The following PCDHGB1 variants were observed in gnomAD, a reference collection of about 807,000 sequenced individuals.
PCDHGB1 encodes protocadherin gamma subfamily B, 1.
A neutral mutation model predicts 56.6 loss-of-function variants in PCDHGB1; 34 were observed. The ratio of observed to expected loss-of-function variants is 0.60; its 90% confidence interval spans 0.46 to 0.80. The LOEUF is 0.80. Among genes scored for constraint, PCDHGB1 ranks in the 30% least tolerant of loss-of-function variants. The pLI, the probability that PCDHGB1 is intolerant of heterozygous loss-of-function variation, is 0.00. For missense variants in PCDHGB1, 1,278 were observed against 1,204.6 expected (o/e 1.06, Z -0.90); for synonymous variants, 561 against 505.9 (o/e 1.11, Z -1.46).
intron 1 of PCDHGB1, chr5:141,408,797 C>A (rs965305130): frequency 6.2e-7 from 1 of 1,612,958 alleles, no homozygotes; most frequent in African/African-American, 1.3e-5. Context: ...TCTGGAGAAA[C>A]TCCTAGACCG....
At chr5:141,363,754 T>C (rs769880289) in intron 1 of PCDHGB1, among the ~76,000 whole-genome samples, 4 of 152,238 alleles carry the variant, frequency 2.6e-5, no homozygotes, top group Non-Finnish European at 4.4e-5. Context: ...GGTATTCTTA[T>C]ATGCAAATAA....
rs2099697431 is a variant in PCDHGB1 at position 141,490,222 on chromosome 5, C to T, written c.2410-4585C>T. The T allele has an allele frequency of 6.2e-7, 1 of 1,614,094 alleles. No homozygotes were observed. Among genetic ancestry groups the T allele is most frequent in the African/African-American group, 1.3e-5 (1 of 74,934 alleles). On this transcript the variant is annotated intron_variant, in intron 1 of 3. Coordinates refer to ENST00000523390, the MANE Select transcript of PCDHGB1 (RefSeq NM_018922.3). This position sits in a 1 kb window ranked among gnomAD's most constrained non-coding sequence, Gnocchi z 5.4. The stretch of plus-strand genomic sequence containing the variant: ...TGCAAGAGCCCGTGACCAGGGACAG[C>T]CTGCCATGGAGGGCCACTGTGTGAT...
chr5:141,398,781 A>G, intron 1 of PCDHGB1: 1 of 1,613,934 alleles, frequency 6.2e-7, no homozygotes, highest in South Asian at 1.1e-5. Flanking sequence ...TGGACGGTGG[A>G]CATCCACCCC....
At chr5:141,377,549 T>G (rs962793950) in intron 1 of PCDHGB1, 3 of 152,038 alleles carry the variant, frequency 2.0e-5, no homozygotes, top group African/African-American at 7.2e-5. Context: ...TGAGATATAA[T>G]TGTGTCACTG....
intron 2 of PCDHGB1, among the ~76,000 whole-genome samples, chr5:141,501,184 C>T (rs1209222790): frequency 6.6e-6 from 1 of 152,002 alleles, no homozygotes; most frequent in Non-Finnish European, 1.5e-5. Context: ...CATTTTAACA[C>T]AATTAAATTC....
rs568758790 is a variant in PCDHGB1 at position 141,351,696 on chromosome 5, C to T, written c.1436C>T (p.Pro479Leu). The T allele has an allele frequency of 6.2e-7, 1 of 1,613,976 alleles. No individual in the cohort carries two copies. The highest frequency in any genetic ancestry group is 1.7e-5 in the Admixed American group (1 of 60,036). The change falls in exon 1 of 4, where the codon CCC becomes CTC. Residue 479 changes from proline (P) to leucine (L), a missense_variant. Coordinates refer to ENST00000523390, the MANE Select transcript of PCDHGB1 (RefSeq NM_018922.3). ...QVSASDPDLG[P>L]NGRVSYSILA... is the part of the protein sequence containing the mutation. ...AGCGCCTCCGACCCGGATTTGGGAC[C>T]CAACGGCAGAGTCTCCTACTCTATT...
intron 1 of PCDHGB1, among the ~76,000 whole-genome samples, chr5:141,434,021 C>A (rs1023145172): frequency 2.0e-5 from 3 of 152,052 alleles, no homozygotes; most frequent in Admixed American, 2.0e-4. Context: ...TTCTATGATT[C>A]TGGAAGCATG....
In PCDHGB1 at chr5:141,477,880, C is replaced by T. The variant is rs763789849; in HGVS notation, c.2410-16927C>T. 10 of 1,614,058 alleles carry T rather than the reference C, an allele frequency of 6.2e-6. No homozygotes were observed. The African/African-American group carries it at 1.2e-4, about 19-fold the overall frequency. ...TGCCTCGAGGTACCTCAGCTGGCCA[C>T]CTAGTGTCACGGGTGGTAGGCTGGG... is the stretch of plus-strand genomic sequence containing the variant. On this transcript the variant is annotated intron_variant, in intron 1 of 3. Transcript: ENST00000523390. The surrounding 1 kb of genome is among the most constrained non-coding windows in gnomAD (Gnocchi z 4.9).
At chr5:141,375,830 G>C in intron 1 of PCDHGB1, 1 of 1,614,152 alleles carries the variant, frequency 6.2e-7, no homozygotes, top group South Asian at 1.1e-5. Context: ...CCGCTCCGCA[G>C]AGCCCGGCTA....
At chr5:141,368,404 C>G (rs778461695) in intron 1 of PCDHGB1, among the ~76,000 whole-genome samples, 1 of 152,034 alleles carries the variant, frequency 6.6e-6, no homozygotes, top group Non-Finnish European at 1.5e-5. Context: ...AACACACATA[C>G]ATACACACAT....
Position 141,491,935 on chromosome 5 carries a change from C to A in PCDHGB1, c.2410-2872C>A. 1 of 1,205,518 alleles carries A rather than the reference C, an allele frequency of 8.3e-7. No homozygotes were observed. Among genetic ancestry groups the A allele is most frequent in the South Asian group, 1.7e-5 (1 of 59,176 alleles). 74.7% of individuals were successfully genotyped at this position (1,205,518 alleles called of 1,614,324 possible). On this transcript the variant is annotated intron_variant, in intron 1 of 3. Transcript: ENST00000523390. The surrounding 1 kb of genome is among the most constrained non-coding windows in gnomAD (Gnocchi z 6.9). ...GACTGTGGGCGAGGGGAGGTGGGACCGACCCCCACCCCTACACTCAAAAAA... is the reference window on the plus strand; with the variant it reads ...GACTGTGGGCGAGGGGAGGTGGGACAGACCCCCACCCCTACACTCAAAAAA...
intron 1 of PCDHGB1, chr5:141,478,026 C>G: frequency 6.2e-7 from 1 of 1,614,180 alleles, no homozygotes; most frequent in Non-Finnish European, 8.5e-7. Flanking sequence ...GTCCAAGACA[C>G]AGATTCACCC....
At chr5:141,472,046 A>T (rs945911971) in intron 1 of PCDHGB1, among the ~76,000 whole-genome samples, 4 of 152,210 alleles carry the variant, frequency 2.6e-5, no homozygotes, top group Non-Finnish European at 4.4e-5. Context: ...AAAAGATTTT[A>T]AAAATGATTG....
intron 1 of PCDHGB1, among the ~76,000 whole-genome samples, chr5:141,464,984 C>T (rs1345385418): frequency 1.3e-5 from 2 of 152,034 alleles, no homozygotes; most frequent in Non-Finnish European, 2.9e-5. Flanking sequence ...TCAAGTGATC[C>T]TCCCACCTCA....
intron 1 of PCDHGB1, chr5:141,409,008 A>G (rs2095209237): frequency 6.2e-7 from 1 of 1,613,898 alleles, no homozygotes; most frequent in African/African-American, 1.3e-5. Context: ...GCCACTGACC[A>G]GGATGAGGGG....
rs2099413746 is a variant in PCDHGB1, at chr5:141,477,589, G to A, written c.2410-17218G>A. ...ACCCCGACGCCCCGCAGAATGCTCGGCTTTCTTTCTTTCTCTTGGAGCAAG... is the reference window on the plus strand; with the variant it reads ...ACCCCGACGCCCCGCAGAATGCTCGACTTTCTTTCTTTCTCTTGGAGCAAG... On this transcript the variant is annotated intron_variant, in intron 1 of 3. Transcript: ENST00000523390. The surrounding 1 kb of genome is among the most constrained non-coding windows in gnomAD (Gnocchi z 4.9). 1 of 1,614,012 alleles carries A rather than the reference G, an allele frequency of 6.2e-7. No individual in the cohort carries two copies. The highest frequency in any genetic ancestry group is 1.1e-5 in the South Asian group (1 of 91,090).
intron 1 of PCDHGB1, among the ~76,000 whole-genome samples, chr5:141,450,485 T>A (rs1382219564): frequency 6.6e-6 from 1 of 152,160 alleles, no homozygotes; most frequent in Non-Finnish European, 1.5e-5. Flanking sequence ...GTTTGTTTGT[T>A]TGTCTGTTTG....
chr5:141,364,365 A>G, intron 1 of PCDHGB1: 3 of 1,562,826 alleles, frequency 1.9e-6, no homozygotes, highest in Non-Finnish European at 2.6e-6. Context: ...GGCTGCGGAG[A>G]GCTGCTGCTG....
At chr5:141,467,604 CT>C (rs2099147202) in intron 1 of PCDHGB1, among the ~76,000 whole-genome samples, 1 of 152,204 alleles carries the variant, frequency 6.6e-6, no homozygotes, top group Non-Finnish European at 1.5e-5. Context: ...AGCACTTCAT[CT>C]TTGTCCCAGT....
Sources: gnomAD v4.1 joint callset for allele counts (sites outside exome capture counted in the v4.1 genomes callset) on GRCh38, gnomAD v4.1.1 for gene constraint, Gnocchi (gnomAD v3.1) non-coding constraint, MANE v1.5 for transcripts, NCBI Gene and HGNC (gene_info 2026-07-23, HGNC 2026-07-21) for gene names.